MAN2A1: variants seen among roughly 807,000 people sequenced by gnomAD.
MAN2A1 encodes the protein mannosidase alpha class 2A member 1.
Under a neutral mutation model 142.6 loss-of-function variants are expected in MAN2A1, and 76 were observed. That is an observed-to-expected ratio of 0.53 (90% CI 0.44 to 0.65). MAN2A1 has a LOEUF of 0.65. Ranked by LOEUF, MAN2A1 falls within the 30% of genes least tolerant of loss-of-function variation. The probability of loss-of-function intolerance (pLI) is 0.00; values close to 1 mark genes in which losing one functional copy is unlikely to be tolerated. For missense variants in MAN2A1, 1,311 were observed against 1,365.1 expected, an observed-to-expected ratio of 0.96 and a Z score of 0.62; for synonymous variants, 559 against 473.2, an observed-to-expected ratio of 1.18 and a Z score of -2.35.
intron 16 of MAN2A1, among the ~76,000 whole-genome samples, chr5:109,833,590 T>G (rs1754985160): frequency 6.7e-6 from 1 of 150,200 alleles, no homozygotes; most frequent in Non-Finnish European, 1.5e-5. Context: ...GAATCAGGCA[T>G]GGAGGTTGCA....
chr5:109,845,967 C>T lies in MAN2A1; in HGVS notation c.2803C>T (p.Leu935Phe), dbSNP rs186007902. 1.4e-4 allele frequency: 228 copies of T among 1,613,572 alleles called. No homozygotes were observed. The highest frequency in any genetic ancestry group is 1.8e-4 in the Non-Finnish European group (214 of 1,179,568). Residue 935 changes from leucine (L) to phenylalanine (F), a missense_variant, in exon 18 of 22, where the codon CTC (leucine) becomes TTC (phenylalanine). Coordinates refer to ENST00000261483, the MANE Select transcript of MAN2A1 (RefSeq NM_002372.4). ...IQDAKHRLTL[L>F]SAQSLGVSSL... ...GGATGCCAAACATCGTTTGACACTG[C>T]TCTCTGCTCAGTCATTAGGGGTTTC... is the stretch of plus-strand genomic sequence containing the variant.
At chr5:109,795,756 A>AT (rs1753841320) in intron 12 of MAN2A1, among the ~76,000 whole-genome samples, 1 of 152,172 alleles carries the variant, frequency 6.6e-6, no homozygotes, top group South Asian at 2.1e-4. Flanking sequence ...GTGAACAAAT[A>AT]TTTTTCTATT....
rs553062565 is a variant in MAN2A1, at chr5:109,838,428, A to T, written c.2567-3900A>T. Among the ~76,000 whole-genome samples, 3 of 151,810 alleles carry T rather than the reference A, an allele frequency of 2.0e-5. No individual in the cohort carries two copies. In the South Asian group the frequency reaches 6.3e-4, roughly 32 times the overall value. Reference sequence around the variant, plus strand: ...CATGCCCAGGTGGAGCCACTTTAGTAAAAAAAATAGCATTTTTGCTGCCAT... The same window carrying T: ...CATGCCCAGGTGGAGCCACTTTAGTTAAAAAAATAGCATTTTTGCTGCCAT... On this transcript the variant is annotated intron_variant, in intron 16 of 21. Coordinates refer to ENST00000261483, the MANE Select transcript of MAN2A1 (RefSeq NM_002372.4).
At chr5:109,776,851 A>C (rs1184971634) in intron 8 of MAN2A1, among the ~76,000 whole-genome samples, 1 of 152,130 alleles carries the variant, frequency 6.6e-6, no homozygotes, top group Non-Finnish European at 1.5e-5. Context: ...ATACACATGT[A>C]CTTTGTGTCT....
intron 12 of MAN2A1, among the ~76,000 whole-genome samples, chr5:109,811,818 T>G (rs1029739925): frequency 2.0e-5 from 3 of 152,188 alleles, no homozygotes; most frequent in African/African-American, 7.2e-5. Flanking sequence ...TCTCCTTTCT[T>G]TGCTTGCTTT....
intron 4 of MAN2A1, among the ~76,000 whole-genome samples, chr5:109,753,599 C>T (rs552486859): frequency 7.2e-5 from 11 of 152,138 alleles, no homozygotes; most frequent in African/African-American, 1.2e-4. Flanking sequence ...TTAGAAATTA[C>T]GTCCATTATC....
intron 4 of MAN2A1, among the ~76,000 whole-genome samples, chr5:109,734,488 G>C (rs1240059173): frequency 6.6e-6 from 1 of 152,110 alleles, no homozygotes; most frequent in Non-Finnish European, 1.5e-5. Flanking sequence ...GATCTTTCCT[G>C]CTGTCTCTTG....
intron 12 of MAN2A1, among the ~76,000 whole-genome samples, chr5:109,811,888 A>ACCAC (rs747785175): frequency 3.3e-5 from 5 of 152,276 alleles, no homozygotes; most frequent in Non-Finnish European, 7.4e-5. Context: ...CTACCATGTT[A>ACCAC]TCAGAATTCT....
intron 6 of MAN2A1, among the ~76,000 whole-genome samples, chr5:109,769,124 C>T (rs908446594): frequency 5.3e-5 from 8 of 152,128 alleles, no homozygotes; most frequent in African/African-American, 1.9e-4. Flanking sequence ...AGTTTTAGGA[C>T]TTGTGACAAC....
chr5:109,802,219 G>A (rs2301013), intron 12 of MAN2A1, among the ~76,000 whole-genome samples: 57,280 of 151,840 alleles, frequency 0.38, 11,620 homozygotes, highest in African/African-American at 0.54. Context: ...AACCCTCAGT[G>A]CCTTACCTGA....
intron 8 of MAN2A1, among the ~76,000 whole-genome samples, chr5:109,780,661 T>G (rs1753432537): frequency 6.6e-6 from 1 of 152,162 alleles, no homozygotes; most frequent in South Asian, 2.1e-4. Context: ...GTTTACAAGA[T>G]TTGGTATCGT....
chr5:109,810,336 A>G (rs984377064), intron 12 of MAN2A1, among the ~76,000 whole-genome samples: 4 of 152,160 alleles, frequency 2.6e-5, no homozygotes, highest in South Asian at 4.1e-4. Flanking sequence ...AGATGTTCCA[A>G]TCAAGGACTA....
At chr5:109,725,148 A>G (rs1211075502) in intron 3 of MAN2A1, among the ~76,000 whole-genome samples, 1 of 152,226 alleles carries the variant, frequency 6.6e-6, no homozygotes, top group East Asian at 1.9e-4. Flanking sequence ...GTGTTTAAAC[A>G]TTTAAGTTAT....
intron 5 of MAN2A1, among the ~76,000 whole-genome samples, chr5:109,763,930 T>A (rs1314717826): frequency 6.6e-6 from 1 of 152,004 alleles, no homozygotes; most frequent in Admixed American, 6.6e-5. Context: ...GCCTCCCTAG[T>A]AGCTAGGATT....
intron 12 of MAN2A1, among the ~76,000 whole-genome samples, chr5:109,798,642 C>T (rs1447169916): frequency 6.6e-6 from 1 of 152,114 alleles, no homozygotes; most frequent in African/African-American, 2.4e-5. Context: ...CAAACACATG[C>T]TAGACCTTTT....
chr5:109,817,378 G>A lies in MAN2A1; in HGVS notation c.2049G>A (p.Val683=). Residue 683 remains valine, a synonymous_variant, in exon 13 of 22, where the codon GTG becomes GTA. Transcript: ENST00000261483. ...TGTTCTCTGCTTCAGGAAAACCTGT[G>A]GAAGTTCAAGTCAGCGCAGTTTGGG... ...VQVFSASGKP[V]EVQVSAVWDT... is the part of the protein sequence containing the mutation. 1 of 1,614,022 alleles carries A rather than the reference G, an allele frequency of 6.2e-7. No individual in the cohort carries two copies. The highest frequency in any genetic ancestry group is 8.5e-7 in the Non-Finnish European group (1 of 1,179,978).
chr5:109,734,921 A>G (rs1752041372), intron 4 of MAN2A1, among the ~76,000 whole-genome samples: 1 of 152,110 alleles, frequency 6.6e-6, no homozygotes, highest in Non-Finnish European at 1.5e-5. Context: ...ATTCCTGGGT[A>G]TCCTTGTTAA....
intron 12 of MAN2A1, chr5:109,804,394 G>A (rs55823525): frequency 0.058 from 27,589 of 472,872 alleles, 886 homozygotes; most frequent in Non-Finnish European, 0.062. Flanking sequence ...ATGTGAAATC[G>A]CGTTACTTTT....
intron 6 of MAN2A1, among the ~76,000 whole-genome samples, chr5:109,768,213 A>G (rs570473552): frequency 6.8e-6 from 1 of 147,390 alleles, no homozygotes; most frequent in South Asian, 2.1e-4. Flanking sequence ...TTCTAAGGAT[A>G]TACTTGTGCA....
Sources: gnomAD v4.1 joint callset for allele counts (sites outside exome capture counted in the v4.1 genomes callset) on GRCh38, gnomAD v4.1.1 for gene constraint, MANE v1.5 for transcripts, NCBI Gene and HGNC (gene_info 2026-07-23, HGNC 2026-07-21) for gene names.